GPC6: variants seen among roughly 807,000 people sequenced by gnomAD.
GPC6 encodes glypican 6, also known as glypican-6.
Under a neutral mutation model 55.2 loss-of-function variants are expected in GPC6, and 14 were observed. That is an observed-to-expected ratio of 0.25 (90% CI 0.17 to 0.40). GPC6 has a LOEUF of 0.40. Ranked by LOEUF, GPC6 falls within the 10% of genes least tolerant of loss-of-function variation. The pLI, the probability that GPC6 is intolerant of heterozygous loss-of-function variation, is 1.00. For missense variants in GPC6, 641 were observed against 708.5 expected (o/e 0.90, Z 1.08); for synonymous variants, 278 against 259.6 (o/e 1.07, Z -0.68).
intron 3 of GPC6, among the ~76,000 whole-genome samples, chr13:93,887,261 G>A (rs563964825): frequency 6.6e-6 from 1 of 151,812 alleles, no homozygotes; most frequent in South Asian, 2.1e-4. Context: ...AAAGTAAAAG[G>A]GAACAATAAT....
At chr13:94,141,998 G>C (rs944831539) in intron 4 of GPC6, among the ~76,000 whole-genome samples, 30 of 147,944 alleles carry the variant, frequency 2.0e-4, no homozygotes, top group Non-Finnish European at 3.6e-4. Context: ...TTTTTTTTCC[G>C]TGTGTGTGTG....
At chr13:94,313,751 T>C (rs1435807663) in intron 6 of GPC6, among the ~76,000 whole-genome samples, 6 of 152,224 alleles carry the variant, frequency 3.9e-5, no homozygotes, top group African/African-American at 1.2e-4. Flanking sequence ...AACAAAACTC[T>C]TTTCAACTCT....
chr13:94,152,344 T>A (rs1042008501), intron 4 of GPC6, among the ~76,000 whole-genome samples: 11 of 152,290 alleles, frequency 7.2e-5, no homozygotes, highest in Non-Finnish European at 1.3e-4. Context: ...CCCAATCCAG[T>A]CAATCATTGC....
At chr13:94,001,173 C>T (rs1199762606) in intron 3 of GPC6, among the ~76,000 whole-genome samples, 2 of 152,204 alleles carry the variant, frequency 1.3e-5, no homozygotes, top group Non-Finnish European at 2.9e-5. Flanking sequence ...TACTTATACT[C>T]TCTAAGCCTC....
chr13:93,939,655 G>T (rs1261395917), intron 3 of GPC6, among the ~76,000 whole-genome samples: 1 of 151,802 alleles, frequency 6.6e-6, no homozygotes, highest in East Asian at 1.9e-4. Flanking sequence ...ACACTATGTT[G>T]CCCAGGCTGG....
chr13:94,003,538 C>G (rs936071697), intron 3 of GPC6, among the ~76,000 whole-genome samples: 1 of 152,084 alleles, frequency 6.6e-6, no homozygotes, highest in Admixed American at 6.5e-5. Flanking sequence ...AAAAGACACA[C>G]AAGTGAAAAC....
At chr13:94,345,552 G>A (rs1223993466) in intron 6 of GPC6, among the ~76,000 whole-genome samples, 2 of 152,050 alleles carry the variant, frequency 1.3e-5, no homozygotes, top group Admixed American at 6.6e-5. Flanking sequence ...GCAGAGTTAC[G>A]ATCCTTCTCT....
chr13:94,171,733 T>A (rs763538191), intron 4 of GPC6, among the ~76,000 whole-genome samples: 1 of 152,198 alleles, frequency 6.6e-6, no homozygotes, highest in Non-Finnish European at 1.5e-5. Context: ...CATCTCAGAT[T>A]TCCTAACACT....
intron 7 of GPC6, among the ~76,000 whole-genome samples, chr13:94,397,543 C>T (rs2139227292): frequency 6.6e-6 from 1 of 152,200 alleles, no homozygotes; most frequent in Non-Finnish European, 1.5e-5. Flanking sequence ...TAATAGACAC[C>T]TCAATCATTC....
At chr13:93,470,639 G>A (rs571473049) in intron 1 of GPC6, among the ~76,000 whole-genome samples, 1 of 151,986 alleles carries the variant, frequency 6.6e-6, no homozygotes, top group Non-Finnish European at 1.5e-5. Context: ...TGATATCATG[G>A]TAATGACATC....
chr13:93,257,922 A>G (rs1877009384), intron 1 of GPC6, among the ~76,000 whole-genome samples: 1 of 152,238 alleles, frequency 6.6e-6, no homozygotes, highest in Non-Finnish European at 1.5e-5. Context: ...CTCAGTTGTT[A>G]GAGAAGGTAA....
In GPC6 at chr13:93,746,131, T is replaced by A. The variant is rs575976226; in HGVS notation, c.320-84023T>A. The stretch of plus-strand genomic sequence containing the variant: ...AAGATAAGAAGCTGTTTTGATATAC[T>A]ACAAAAGTGTACCAATGATCTTATG... On this transcript the variant is annotated intron_variant, in intron 2 of 8. Transcript: ENST00000377047. 3.3e-5 allele frequency among the ~76,000 whole-genome samples: 5 copies of A among 152,332 alleles called. No homozygotes were observed. In the South Asian group the frequency reaches 1.0e-3, roughly 32 times the overall value.
chr13:94,186,513 AATAAC>A (rs1251475475), intron 4 of GPC6, among the ~76,000 whole-genome samples: 1 of 152,168 alleles, frequency 6.6e-6, no homozygotes, highest in African/African-American at 2.4e-5. Flanking sequence ...CAATTTTACA[AATAAC>A]ATAAGAAGGT....
intron 1 of GPC6, among the ~76,000 whole-genome samples, chr13:93,265,360 T>A (rs1424589607): frequency 6.6e-6 from 1 of 152,146 alleles, no homozygotes; most frequent in East Asian, 1.9e-4. Context: ...TCCAAAATGC[T>A]CCAAAACTGG....
intron 3 of GPC6, among the ~76,000 whole-genome samples, chr13:93,969,450 A>G (rs1005018360): frequency 1.3e-5 from 2 of 152,156 alleles, no homozygotes; most frequent in Non-Finnish European, 2.9e-5. Context: ...GCAGACAGAG[A>G]AAATGCATCC....
intron 4 of GPC6, among the ~76,000 whole-genome samples, chr13:94,243,016 G>C (rs74644596): frequency 6.6e-6 from 1 of 151,704 alleles, no homozygotes; most frequent in Non-Finnish European, 1.5e-5. Flanking sequence ...TTAATTGTCA[G>C]AGGATTATAT....
intron 3 of GPC6, among the ~76,000 whole-genome samples, chr13:94,005,249 T>G (rs1401681692): frequency 6.6e-6 from 1 of 152,208 alleles, no homozygotes; most frequent in Non-Finnish European, 1.5e-5. Flanking sequence ...TTCCCCTCAG[T>G]TTTAGAAAAC....
intron 1 of GPC6, among the ~76,000 whole-genome samples, chr13:93,441,842 A>G (rs571374207): frequency 5.7e-4 from 87 of 152,284 alleles, no homozygotes; most frequent in Middle Eastern, 3.4e-3. Context: ...GCATGATCAC[A>G]GCTCACTGCA....
At chr13:93,562,555 A>G (rs545584501) in intron 2 of GPC6, among the ~76,000 whole-genome samples, 8 of 152,224 alleles carry the variant, frequency 5.3e-5, no homozygotes, top group African/African-American at 1.9e-4. Flanking sequence ...AATATACATA[A>G]AGCACTTATT....
Sources: allele counts gnomAD v4.1 joint callset (sites outside exome capture counted in the v4.1 genomes callset), GRCh38; gene constraint gnomAD v4.1.1; transcripts MANE v1.5; gene names NCBI Gene and HGNC (gene_info 2026-07-23, HGNC 2026-07-21).